The following CDH13 variants were observed in gnomAD, a reference collection of about 807,000 sequenced individuals.
CDH13 encodes cadherin-13.
Under a neutral mutation model 63.8 loss-of-function variants are expected in CDH13, and 24 were observed. The observed-to-expected ratio is 0.38, with a 90% CI of 0.27 to 0.53. The LOEUF (loss-of-function observed/expected upper bound fraction) is 0.53. Among genes scored for constraint, CDH13 ranks in the 20% least tolerant of loss-of-function variants. The pLI is 0.85. For synonymous variants in CDH13, 503 were observed against 355.3 expected (o/e 1.42, Z -4.67); for missense variants, 1,049 against 903.1 (o/e 1.16, Z -2.07).
chr16:82,798,365 T>C (rs2036689997), intron 1 of CDH13, among the ~76,000 whole-genome samples: 1 of 152,222 alleles, frequency 6.6e-6, no homozygotes, highest in African/African-American at 2.4e-5. Context: ...AAAATATTCA[T>C]GCACCAGATG....
intron 8 of CDH13, among the ~76,000 whole-genome samples, chr16:83,627,245 G>C (rs1444921067): frequency 6.6e-6 from 1 of 152,056 alleles, no homozygotes; most frequent in Non-Finnish European, 1.5e-5. Flanking sequence ...AGCCGAGATT[G>C]TGCGCCTGCA....
intron 7 of CDH13, among the ~76,000 whole-genome samples, chr16:83,488,613 T>A (rs2073945462): frequency 6.6e-6 from 1 of 152,028 alleles, no homozygotes; most frequent in Admixed American, 6.6e-5. Context: ...CCTATTTTTT[T>A]ATTTTTTTAT....
At chr16:82,770,708 A>T (rs1238654827) in intron 1 of CDH13, among the ~76,000 whole-genome samples, 1 of 152,032 alleles carries the variant, frequency 6.6e-6, no homozygotes, top group African/African-American at 2.4e-5. Flanking sequence ...CTTATTTTCT[A>T]TATTTCCTTT....
At position 83,748,120 on chromosome 16, in the gene CDH13, C is replaced by T; in HGVS notation, c.1551C>T (p.Tyr517=). ...GGATTTTTTTCAGGTATTCTGTTTACAAGGACCCAGCAGGTTGGCTGAATA... is the reference window on the plus strand; with the variant it reads ...GGATTTTTTTCAGGTATTCTGTTTATAAGGACCCAGCAGGTTGGCTGAATA... ...LQHQTIRYSV[Y]KDPAGWLNIN... The change falls in exon 11 of 14, where the codon TAC becomes TAT. Residue 517 remains tyrosine (Y), a synonymous_variant. Transcript: ENST00000567109. 1 of 1,613,774 alleles carries T rather than the reference C, an allele frequency of 6.2e-7. No individual in the cohort carries two copies. The highest frequency in any genetic ancestry group is 8.5e-7 in the Non-Finnish European group (1 of 1,179,824).
intron 1 of CDH13, among the ~76,000 whole-genome samples, chr16:82,836,888 G>A (rs1020741092): frequency 6.6e-5 from 10 of 152,208 alleles, no homozygotes; most frequent in African/African-American, 2.4e-4. Context: ...TTCAGTCGGT[G>A]AATATGCAGT....
chr16:83,118,463 G>T (rs370155091), intron 3 of CDH13, among the ~76,000 whole-genome samples: 1 of 152,170 alleles, frequency 6.6e-6, no homozygotes, highest in Non-Finnish European at 1.5e-5. Context: ...TTTGACATCT[G>T]CACGCGTCTA....
At chr16:82,654,227 T>C (rs1911049026) in intron 1 of CDH13, among the ~76,000 whole-genome samples, 1 of 152,146 alleles carries the variant, frequency 6.6e-6, no homozygotes, top group Non-Finnish European at 1.5e-5. Flanking sequence ...GGTCCGAGTC[T>C]CTCTGCCTGA....
intron 6 of CDH13, among the ~76,000 whole-genome samples, chr16:83,370,317 G>A (rs569288777): frequency 6.6e-6 from 1 of 151,804 alleles, no homozygotes; most frequent in Non-Finnish European, 1.5e-5. Context: ...GAACCCGGGA[G>A]GTGGAGCTTG....
chr16:83,049,308 G>A (rs1220095193), intron 3 of CDH13, among the ~76,000 whole-genome samples: 1 of 147,056 alleles, frequency 6.8e-6, no homozygotes, highest in Non-Finnish European at 1.5e-5. Context: ...CAATACTTGG[G>A]CATTTATGAC....
chr16:82,819,796 A>T (rs1335579314), intron 1 of CDH13, among the ~76,000 whole-genome samples: 1 of 152,242 alleles, frequency 6.6e-6, no homozygotes, highest in Admixed American at 6.5e-5. Flanking sequence ...TAAATACGGC[A>T]AAGATCCCTA....
At chr16:83,333,929 AC>A (rs1249871479) in intron 5 of CDH13, among the ~76,000 whole-genome samples, 1 of 152,150 alleles carries the variant, frequency 6.6e-6, no homozygotes, top group African/African-American at 2.4e-5. Context: ...GTGACTCAAA[AC>A]AACACAAATC....
intron 7 of CDH13, among the ~76,000 whole-genome samples, chr16:83,500,832 G>A (rs1282372735): frequency 1.3e-5 from 2 of 151,554 alleles, no homozygotes; most frequent in African/African-American, 4.9e-5. Context: ...CACCCGCCTC[G>A]GCCTCCCAAA....
chr16:83,461,960 C>T (rs2073193017), intron 6 of CDH13, among the ~76,000 whole-genome samples: 1 of 152,238 alleles, frequency 6.6e-6, no homozygotes, highest in Non-Finnish European at 1.5e-5. Flanking sequence ...AGGCTGTACA[C>T]CTCCCTGTCC....
At chr16:83,172,677 C>T (rs2037971822) in intron 4 of CDH13, among the ~76,000 whole-genome samples, 1 of 152,012 alleles carries the variant, frequency 6.6e-6, no homozygotes, top group African/African-American at 2.4e-5. Context: ...AGATTTTCAG[C>T]CTCCATCACT....
At chr16:83,539,345 G>T (rs1004131124) in intron 7 of CDH13, among the ~76,000 whole-genome samples, 1 of 152,168 alleles carries the variant, frequency 6.6e-6, no homozygotes. Flanking sequence ...TCTGACAGGA[G>T]GCGGAGCTCA....
intron 11 of CDH13, among the ~76,000 whole-genome samples, chr16:83,769,675 G>A (rs907302311): frequency 6.6e-6 from 1 of 152,182 alleles, no homozygotes; most frequent in African/African-American, 2.4e-5. Flanking sequence ...GGCCAAGTGG[G>A]CGTGTTTTCA....
At chr16:82,897,989 G>A (rs867108654) in intron 2 of CDH13, among the ~76,000 whole-genome samples, 4 of 152,288 alleles carry the variant, frequency 2.6e-5, no homozygotes, top group East Asian at 1.9e-4. Context: ...AGTAAGCCAC[G>A]TGGAGCTATT....
chr16:83,086,972 A>G (rs553690224), intron 3 of CDH13, among the ~76,000 whole-genome samples: 5 of 152,378 alleles, frequency 3.3e-5, no homozygotes, highest in Admixed American at 6.5e-5. Context: ...CAATGCAAAT[A>G]TAAAAAAAGA....
rs72794129 is a variant in CDH13 at position 82,998,814 on chromosome 16, G to A, written c.158-33196G>A. 2.7e-5 allele frequency among the ~76,000 whole-genome samples: 4 copies of A among 149,664 alleles called. No homozygotes were observed. In the East Asian group the frequency reaches 7.9e-4, roughly 29 times the overall value. On this transcript the variant is annotated intron_variant, in intron 2 of 13. Coordinates refer to ENST00000567109, the MANE Select transcript of CDH13 (RefSeq NM_001257.5). ...GCTCCCCTAAATCTCATTCATGTAC[G>A]CCTTAAGCCTGACTTAAGAAACGCT...
Sources: gnomAD v4.1 joint callset for allele counts (sites outside exome capture counted in the v4.1 genomes callset) on GRCh38, gnomAD v4.1.1 for gene constraint, MANE v1.5 for transcripts, NCBI Gene and HGNC (gene_info 2026-07-23, HGNC 2026-07-21) for gene names.